The following COL24A1 variants were observed in gnomAD, a reference collection of about 807,000 sequenced individuals.
COL24A1 encodes collagen type XXIV alpha 1 chain.
A neutral mutation model predicts 253.9 loss-of-function variants in COL24A1; 224 were observed. The ratio of observed to expected loss-of-function variants is 0.88; its 90% CI spans 0.79 to 0.99. The LOEUF (loss-of-function observed/expected upper bound fraction) is 0.99, where lower values mean the gene tolerates loss of function less well. Among genes scored for constraint, COL24A1 ranks in the 50% least tolerant of loss-of-function variants. The pLI is 0.00. For synonymous variants in COL24A1, 685 were observed against 673.7 expected, an observed-to-expected ratio of 1.02 and a Z score of -0.26; for missense variants, 2,131 against 2,068.5, an observed-to-expected ratio of 1.03 and a Z score of -0.59.
chr1:85,774,748 T>C (rs572890674), intron 53 of COL24A1, among the ~76,000 whole-genome samples: 2 of 152,306 alleles, frequency 1.3e-5, no homozygotes, highest in East Asian at 3.9e-4. Flanking sequence ...TGCATCTGTT[T>C]GATTCTTCTC....
intron 47 of COL24A1, among the ~76,000 whole-genome samples, chr1:85,806,003 G>GGGGC (rs1671920942): frequency 6.6e-6 from 1 of 151,740 alleles, no homozygotes; most frequent in Non-Finnish European, 1.5e-5. Context: ...ATGAACCAAG[G>GGGGC]GGGCGGAGCT....
chr1:85,894,475 A>G (rs1318882967), intron 31 of COL24A1, among the ~76,000 whole-genome samples: 1 of 152,160 alleles, frequency 6.6e-6, no homozygotes, highest in Non-Finnish European at 1.5e-5. Context: ...TGAATGACCT[A>G]TATTTTTACC....
intron 37 of COL24A1, among the ~76,000 whole-genome samples, chr1:85,852,663 T>C (rs2102355332): frequency 6.9e-6 from 1 of 144,702 alleles, no homozygotes; most frequent in African/African-American, 2.6e-5. Flanking sequence ...ATTTCTTTAA[T>C]TGCAAAAATT....
intron 1 of COL24A1, chr1:86,154,141 C>G (rs1342339466): frequency 6.6e-6 from 1 of 152,088 alleles, no homozygotes; most frequent in Non-Finnish European, 1.5e-5. Context: ...ATCCAGCCCC[C>G]CCGCCCCACC....
chr1:86,034,521 C>A (rs977043113), intron 12 of COL24A1, among the ~76,000 whole-genome samples: 1 of 152,086 alleles, frequency 6.6e-6, no homozygotes, highest in Non-Finnish European at 1.5e-5. Context: ...TGGAGGCAGA[C>A]CGATTCTAGA....
intron 2 of COL24A1, among the ~76,000 whole-genome samples, chr1:86,136,976 T>C (rs993136861): frequency 2.6e-5 from 3 of 114,632 alleles, no homozygotes; most frequent in Non-Finnish European, 5.5e-5. Flanking sequence ...TGACTGGAGC[T>C]GAGGAGAACT....
chr1:86,016,182 A>G (rs985917571), intron 19 of COL24A1, among the ~76,000 whole-genome samples: 1 of 151,898 alleles, frequency 6.6e-6, no homozygotes, highest in African/African-American at 2.4e-5. Context: ...TAGATTTTTG[A>G]ACTGTCAATA....
intron 52 of COL24A1, among the ~76,000 whole-genome samples, chr1:85,777,397 T>C (rs917056437): frequency 2.6e-5 from 4 of 152,178 alleles, no homozygotes; most frequent in African/African-American, 9.7e-5. Context: ...ATGAGAAATA[T>C]TGCTGTTTTA....
At chr1:86,041,386 A>G (rs1334783990) in intron 12 of COL24A1, among the ~76,000 whole-genome samples, 2 of 152,136 alleles carry the variant, frequency 1.3e-5, no homozygotes, top group Non-Finnish European at 2.9e-5. Context: ...TTTATTTTCA[A>G]TCCTGGCAAG....
intron 47 of COL24A1, among the ~76,000 whole-genome samples, chr1:85,798,890 AT>A (rs1473511279): frequency 6.6e-6 from 1 of 152,256 alleles, no homozygotes; most frequent in Non-Finnish European, 1.5e-5. Flanking sequence ...CAATAAAAAA[AT>A]AAAAAGACTG....
At chr1:86,029,021 C>T (rs534456927) in intron 14 of COL24A1, among the ~76,000 whole-genome samples, 1 of 152,194 alleles carries the variant, frequency 6.6e-6, no homozygotes, top group East Asian at 1.9e-4. Context: ...TTTAGCTAAT[C>T]AACTCCATGC....
At chr1:86,004,582 A>G (rs1309459087) in intron 19 of COL24A1, among the ~76,000 whole-genome samples, 2 of 152,190 alleles carry the variant, frequency 1.3e-5, no homozygotes, top group Non-Finnish European at 2.9e-5. Context: ...ACTGACCCAT[A>G]TGGAGTTTTG....
intron 47 of COL24A1, among the ~76,000 whole-genome samples, chr1:85,811,839 T>C (rs1672576655): frequency 6.6e-6 from 1 of 152,214 alleles, no homozygotes; most frequent in South Asian, 2.1e-4. Context: ...CTGCAGCAGA[T>C]TCAGGGTGTA....
rs374574189 is a variant in COL24A1 at position 85,970,814 on chromosome 1, A to T, written c.2418+526T>A. ...TATATATGAGTGAGATTCTGGGTTC[A>T]GATTCTTCAGACATTCCATTGGAGA... On this transcript the variant is annotated intron_variant, in intron 21 of 59. Coordinates refer to ENST00000370571, the MANE Select transcript of COL24A1 (RefSeq NM_152890.7). Among the ~76,000 whole-genome samples, 122 of 152,344 alleles carry T rather than the reference A, an allele frequency of 8.0e-4. 1 individual carries two copies. The South Asian group carries it at 0.018, about 23-fold the overall frequency.
chr1:85,859,698 T>C (rs1678916280), intron 37 of COL24A1, among the ~76,000 whole-genome samples: 1 of 152,206 alleles, frequency 6.6e-6, no homozygotes, highest in Admixed American at 6.5e-5. Context: ...CTCCAAAATG[T>C]TGGCTTTTAA....
chr1:85,859,798 T>C (rs545976578), intron 37 of COL24A1, among the ~76,000 whole-genome samples: 8 of 152,316 alleles, frequency 5.3e-5, no homozygotes, highest in South Asian at 4.1e-4. Context: ...ACTATGTACA[T>C]GTTAAAATGG....
intron 37 of COL24A1, among the ~76,000 whole-genome samples, chr1:85,865,158 GAA>G (rs35687646): frequency 0.42 from 62,020 of 146,782 alleles, 13,180 homozygotes; most frequent in South Asian, 0.6. Flanking sequence ...TTCTTTTCTT[GAA>G]AAAAAAAAAA....
At chr1:86,131,422 T>C (rs1649167992) in intron 2 of COL24A1, among the ~76,000 whole-genome samples, 1 of 152,108 alleles carries the variant, frequency 6.6e-6, no homozygotes, top group Admixed American at 6.6e-5. Flanking sequence ...TGCAGGTTTG[T>C]TACATATGTA....
chr1:86,134,325 A>AC (rs1649848087), intron 2 of COL24A1, among the ~76,000 whole-genome samples: 3 of 151,694 alleles, frequency 2.0e-5, no homozygotes, highest in Admixed American at 2.0e-4. Context: ...GATTTTTTGA[A>AC]GGTTTTTTGT....
Sources: allele counts gnomAD v4.1 joint callset (sites outside exome capture counted in the v4.1 genomes callset), GRCh38; gene constraint gnomAD v4.1.1; transcripts MANE v1.5; gene names NCBI Gene and HGNC (gene_info 2026-07-23, HGNC 2026-07-21).